Variants in FCHO2 observed in about 807,000 individuals in gnomAD.
The protein encoded by FCHO2 is FCH and mu domain containing endocytic adaptor 2, also known as F-BAR domain only protein 2.
A neutral mutation model predicts 114.1 loss-of-function variants in FCHO2; 43 were observed. The ratio of observed to expected loss-of-function variants is 0.38; its 90% CI spans 0.30 to 0.49. The LOEUF is 0.49. Ranked by LOEUF, FCHO2 falls within the 20% of genes least tolerant of loss-of-function variation. The pLI, the probability that FCHO2 is intolerant of heterozygous loss-of-function variation, is 0.97. For missense variants in FCHO2, 807 were observed against 950.4 expected (o/e 0.85, Z 1.98); for synonymous variants, 293 against 315.2 (o/e 0.93, Z 0.75).
At chr5:72,969,292 G>T (rs974801909) in intron 2 of FCHO2, among the ~76,000 whole-genome samples, 1 of 152,136 alleles carries the variant, frequency 6.6e-6, no homozygotes, top group Admixed American at 6.5e-5. Flanking sequence ...TCCCATCAGT[G>T]CTGTGTACCA....
In FCHO2 at chr5:72,980,946, T is replaced by A. The variant is rs556833116; in HGVS notation, c.126-8481T>A. Reference sequence around the variant, plus strand: ...TTGGGGCATTTAGCCTGTTTACATTTAAGGTTAATATTGTTATGTGTGAAT... The same window carrying A: ...TTGGGGCATTTAGCCTGTTTACATTAAAGGTTAATATTGTTATGTGTGAAT... On this transcript the variant is annotated intron_variant, in intron 2 of 25. Coordinates refer to ENST00000430046, the MANE Select transcript of FCHO2 (RefSeq NM_138782.3). Among the ~76,000 whole-genome samples the A allele has an allele frequency of 1.9e-3, 286 of 152,316 alleles. 3 individuals carry two copies. Among genetic ancestry groups the A allele is most frequent in the African/African-American group, 6.5e-3 (269 of 41,566 alleles).
At chr5:72,983,033 C>G (rs1753305793) in intron 2 of FCHO2, among the ~76,000 whole-genome samples, 1 of 151,894 alleles carries the variant, frequency 6.6e-6, no homozygotes, top group South Asian at 2.1e-4. Flanking sequence ...CCTGCCTCAG[C>G]CTCCCGAGTA....
Position 72,975,807 on chromosome 5 carries a change from G to A in FCHO2, c.125+7218G>A, listed in dbSNP as rs542449059. Among the ~76,000 whole-genome samples the A allele has an allele frequency of 4.6e-5, 7 of 152,120 alleles. No individual in the cohort carries two copies. The South Asian group carries it at 1.0e-3, about 23-fold the overall frequency. On this transcript the variant is annotated intron_variant, in intron 2 of 25. Coordinates refer to ENST00000430046, the MANE Select transcript of FCHO2 (RefSeq NM_138782.3). The stretch of plus-strand genomic sequence containing the variant: ...GGCATGAGCCACTGTGCCTGGCCAG[G>A]CTCATTTCATTTTAGTGCTGAATAA...
At chr5:72,967,781 G>A (rs1214871419) in intron 1 of FCHO2, among the ~76,000 whole-genome samples, 3 of 151,898 alleles carry the variant, frequency 2.0e-5, no homozygotes, top group East Asian at 1.9e-4. Context: ...CACCATGCCC[G>A]GCTAATTTTT....
intron 2 of FCHO2, among the ~76,000 whole-genome samples, chr5:72,983,236 C>T (rs150161806): frequency 1.6e-4 from 25 of 152,046 alleles, no homozygotes; most frequent in African/African-American, 5.8e-4. Flanking sequence ...TTTTAAGTTC[C>T]GGGATACATG....
chr5:72,991,204 A>G (rs1333337306), intron 5 of FCHO2, among the ~76,000 whole-genome samples: 1 of 152,192 alleles, frequency 6.6e-6, no homozygotes, highest in African/African-American at 2.4e-5. Context: ...AGCTGGGATT[A>G]CAGGCGCATG....
chr5:73,066,801 T>C lies in FCHO2; in HGVS notation c.1450-1849T>C, dbSNP rs535198206. ...TTTCTCTGGCTTCACCCCAGGCAAA[T>C]TGGAAATTCAGGGGAGGGGCCAAGC... On this transcript the variant is annotated intron_variant, in intron 18 of 25. Coordinates refer to ENST00000430046, the MANE Select transcript of FCHO2 (RefSeq NM_138782.3). Among the ~76,000 whole-genome samples, 5 of 151,948 alleles carry C rather than the reference T, an allele frequency of 3.3e-5. No individual in the cohort carries two copies. In the East Asian group the frequency reaches 5.9e-4, roughly 18 times the overall value.
intron 2 of FCHO2, among the ~76,000 whole-genome samples, chr5:72,983,659 G>C (rs1753355952): frequency 6.6e-6 from 1 of 151,326 alleles, no homozygotes; most frequent in Non-Finnish European, 1.5e-5. Flanking sequence ...AAAGTGCCGG[G>C]ATTTTACAAG....
intron 8 of FCHO2, among the ~76,000 whole-genome samples, chr5:73,017,930 A>T (rs925520432): frequency 1.3e-5 from 2 of 152,152 alleles, no homozygotes; most frequent in African/African-American, 4.8e-5. Context: ...TTGGCATGTT[A>T]TGATGTATCA....
chr5:73,016,181 G>T (rs993577432), intron 7 of FCHO2, among the ~76,000 whole-genome samples: 22 of 152,008 alleles, frequency 1.4e-4, no homozygotes, highest in Non-Finnish European at 2.8e-4. Flanking sequence ...AGGCACGGTG[G>T]CTCATACCTG....
intron 8 of FCHO2, 32 bp downstream of exon 8, chr5:73,017,340 T>C: frequency 7.1e-7 from 1 of 1,401,490 alleles, no homozygotes; most frequent in Non-Finnish European, 9.7e-7. Flanking sequence ...GGAAACATTT[T>C]AAATTTTCCC....
At position 72,956,142 on chromosome 5, in the gene FCHO2, T is replaced by C. The variant is rs200553427; in HGVS notation, c.33+13T>C. 7 of 1,535,372 alleles carry C rather than the reference T, an allele frequency of 4.6e-6. No individual in the cohort carries two copies. Among genetic ancestry groups the C allele is most frequent in the Non-Finnish European group, 6.1e-6 (7 of 1,140,550 alleles). On this transcript the variant is annotated intron_variant, in intron 1 of 25. Coordinates refer to ENST00000430046, the MANE Select transcript of FCHO2 (RefSeq NM_138782.3). ...CGAGAATTTTTGGGTAAGCTTAGGATGTTGGAAGTCGTGTGTTTCGAAGTC... is the reference window on the plus strand; with the variant it reads ...CGAGAATTTTTGGGTAAGCTTAGGACGTTGGAAGTCGTGTGTTTCGAAGTC...
rs377472172 is a variant in FCHO2 at position 72,979,477 on chromosome 5, C to T, written c.126-9950C>T. Among the ~76,000 whole-genome samples, 46 of 143,680 alleles carry T rather than the reference C, an allele frequency of 3.2e-4. 1 individual carries two copies. Among genetic ancestry groups the T allele is most frequent in the Middle Eastern group, 7.1e-3 (2 of 282 alleles). 94.3% of individuals were successfully genotyped at this position (143,680 alleles called of 152,430 possible). ...CGCGATCTCGGCTCACTGCAAGCTC[C>T]GCCTCCCGGGTTCACGCCATTCTCC... is the stretch of plus-strand genomic sequence containing the variant. On this transcript the variant is annotated intron_variant, in intron 2 of 25. Coordinates refer to ENST00000430046, the MANE Select transcript of FCHO2 (RefSeq NM_138782.3).
chr5:73,036,139 C>T (rs552977930), intron 9 of FCHO2, among the ~76,000 whole-genome samples: 4 of 152,280 alleles, frequency 2.6e-5, no homozygotes, highest in African/African-American at 9.6e-5. Context: ...ATCCACCACA[C>T]CAGGCCTTAA....
rs575120671 is a variant in FCHO2 at position 73,083,704 on chromosome 5, C to T, written c.2245+879C>T. Among the ~76,000 whole-genome samples the T allele has an allele frequency of 4.6e-5, 7 of 152,220 alleles. No individual in the cohort carries two copies. The South Asian group carries it at 1.0e-3, about 23-fold the overall frequency. On this transcript the variant is annotated intron_variant, in intron 24 of 25. Transcript: ENST00000430046. ...GTCAGGAGTTCAAGACCAGCCTGGC[C>T]AACATGGTGAAACCCCATCTGTTTT...
At chr5:72,965,744 T>G (rs1160172137) in intron 1 of FCHO2, among the ~76,000 whole-genome samples, 3 of 152,204 alleles carry the variant, frequency 2.0e-5, no homozygotes, top group Non-Finnish European at 4.4e-5. Flanking sequence ...TTCAGAGAAG[T>G]CAAGATAAAG....
intron 11 of FCHO2, among the ~76,000 whole-genome samples, chr5:73,049,300 A>G (rs1020790035): frequency 6.6e-6 from 1 of 152,144 alleles, no homozygotes; most frequent in Non-Finnish European, 1.5e-5. Flanking sequence ...CCACACCCCA[A>G]GATACACGTA....
At position 73,088,388 on chromosome 5, in the gene FCHO2, G is replaced by A. The variant is rs1327930829; in HGVS notation, c.*298G>A. 8.1e-6 allele frequency: 3 copies of A among 368,268 alleles called. No individual in the cohort carries two copies. Among genetic ancestry groups the A allele is most frequent in the African/African-American group, 2.1e-5 (1 of 48,742 alleles). The allele number at this position is 368,268 out of a possible 1,614,324, so 22.8% of individuals were successfully genotyped here. On this transcript the variant is annotated 3_prime_UTR_variant, in exon 26 of 26. Transcript: ENST00000430046. ...TTAAATTATTTCCAGTGTCTATGTTGAAAAAAAGGGTTATAGTGTAATATC... is the reference window on the plus strand; with the variant it reads ...TTAAATTATTTCCAGTGTCTATGTTAAAAAAAAGGGTTATAGTGTAATATC...
intron 5 of FCHO2, chr5:72,997,511 A>G: frequency 7.0e-7 from 1 of 1,432,338 alleles, no homozygotes; most frequent in Non-Finnish European, 9.8e-7. Flanking sequence ...CAAGGCCATC[A>G]CCATCAAATC....
Sources: allele counts gnomAD v4.1 joint callset (sites outside exome capture counted in the v4.1 genomes callset), GRCh38; gene constraint gnomAD v4.1.1; transcripts MANE v1.5; gene names NCBI Gene and HGNC (gene_info 2026-07-23, HGNC 2026-07-21).